Variants in SIGLEC5 observed in about 807,000 individuals in gnomAD.
The protein encoded by SIGLEC5 is sialic acid-binding Ig-like lectin 5.
Under a neutral mutation model 45.9 loss-of-function variants are expected in SIGLEC5, and 34 were observed. The observed-to-expected ratio is 0.74, with a 90% CI of 0.56 to 0.99. The LOEUF (loss-of-function observed/expected upper bound fraction) is 0.99. Ranked by LOEUF, SIGLEC5 falls within the 50% of genes least tolerant of loss-of-function variation. The pLI is 0.00. For synonymous variants in SIGLEC5, 203 were observed against 258.6 expected, an observed-to-expected ratio of 0.79 and a Z score of 2.06; for missense variants, 508 against 629.6, an observed-to-expected ratio of 0.81 and a Z score of 2.07.
chr19:51,616,929 A>C (rs1046217748), intron 8 of SIGLEC5, among the ~76,000 whole-genome samples: 2 of 148,230 alleles, frequency 1.3e-5, no homozygotes, highest in Admixed American at 6.7e-5. Context: ...CAAAAAAAAA[A>C]AACACTTGAA....
Position 51,612,425 on chromosome 19 carries a change from G to A in SIGLEC5, c.1465-3C>T, listed in dbSNP as rs777144917. 6.2e-7 allele frequency: 1 copy of A among 1,600,462 alleles called. No individual in the cohort carries two copies. Among genetic ancestry groups the A allele is most frequent in the South Asian group, 1.1e-5 (1 of 89,154 alleles). On this transcript the variant is annotated splice_region_variant and splice_polypyrimidine_tract_variant and intron_variant, in intron 8 of 8. Transcript: ENST00000683636. Reference sequence around the variant, plus strand: ...GGCCAGGGCTTCTTCCTGGAACCCTGAGTAAAGGGGAAGGAAAGGTGTCAC... The same window carrying A: ...GGCCAGGGCTTCTTCCTGGAACCCTAAGTAAAGGGGAAGGAAAGGTGTCAC...
intron 8 of SIGLEC5, among the ~76,000 whole-genome samples, chr19:51,614,226 C>T (rs1347786255): frequency 6.6e-6 from 1 of 152,202 alleles, no homozygotes; most frequent in Non-Finnish European, 1.5e-5. Context: ...CTCACTGCAA[C>T]CTCCCGTCCC....
At chr19:51,625,552 G>A (rs568464198) in intron 8 of SIGLEC5, among the ~76,000 whole-genome samples, 52 of 152,286 alleles carry the variant, frequency 3.4e-4, no homozygotes, top group Non-Finnish European at 6.5e-4. Flanking sequence ...GTTGGTGGCC[G>A]GGCGCGGTGG....
chr19:51,616,065 C>T (rs770406626), intron 8 of SIGLEC5, among the ~76,000 whole-genome samples: 8 of 152,180 alleles, frequency 5.3e-5, no homozygotes, highest in Non-Finnish European at 8.8e-5. Flanking sequence ...CGTGAGCCAC[C>T]GTGCCCGGCG....
At chr19:51,625,791 T>C (rs887027867) in intron 8 of SIGLEC5, among the ~76,000 whole-genome samples, 6 of 152,050 alleles carry the variant, frequency 3.9e-5, no homozygotes, top group African/African-American at 9.7e-5. Context: ...GATCGCACCA[T>C]TGCACTCCAG....
chr19:51,612,841 C>G (rs1458918924), intron 8 of SIGLEC5, among the ~76,000 whole-genome samples: 1 of 152,188 alleles, frequency 6.6e-6, no homozygotes, highest in African/African-American at 2.4e-5. Flanking sequence ...AGATTATGCC[C>G]TGGACTCTAA....
At chr19:51,620,371 G>A (rs1480398422) in intron 8 of SIGLEC5, among the ~76,000 whole-genome samples, 1 of 152,108 alleles carries the variant, frequency 6.6e-6, no homozygotes, top group Non-Finnish European at 1.5e-5. Flanking sequence ...CAAAAGTGCT[G>A]AGCAAAAGAT....
chr19:51,628,764 G>A (rs1182193419), intron 4 of SIGLEC5, among the ~76,000 whole-genome samples: 2 of 138,160 alleles, frequency 1.4e-5, no homozygotes, highest in Non-Finnish European at 3.3e-5. Flanking sequence ...GTGTGTGTAT[G>A]TGCGTGTGTG....
At chr19:51,628,575 CTGTGTGCGTGTG>C (rs1010181481) in intron 4 of SIGLEC5, among the ~76,000 whole-genome samples, 1 of 151,860 alleles carries the variant, frequency 6.6e-6, no homozygotes, top group Non-Finnish European at 1.5e-5. Flanking sequence ...GAGTGTGCAC[CTGTGTGCGTGTG>C]TGTGTGCGTG....
At chr19:51,625,511 AG>A (rs1983442625) in intron 8 of SIGLEC5, among the ~76,000 whole-genome samples, 1 of 152,174 alleles carries the variant, frequency 6.6e-6, no homozygotes, top group South Asian at 2.1e-4. Flanking sequence ...AGATGAGCAA[AG>A]GACAAGTTAG....
intron 8 of SIGLEC5, among the ~76,000 whole-genome samples, chr19:51,620,803 T>C (rs1382914820): frequency 6.6e-6 from 1 of 152,222 alleles, no homozygotes; most frequent in Non-Finnish European, 1.5e-5. Context: ...TATAATCATC[T>C]AATTTGAAAT....
intron 8 of SIGLEC5, among the ~76,000 whole-genome samples, chr19:51,625,513 G>A (rs1983442726): frequency 6.6e-6 from 1 of 152,164 alleles, no homozygotes; most frequent in South Asian, 2.1e-4. Context: ...ATGAGCAAAG[G>A]ACAAGTTAGT....
intron 8 of SIGLEC5, among the ~76,000 whole-genome samples, chr19:51,612,858 C>G (rs933412123): frequency 6.6e-6 from 1 of 151,296 alleles, no homozygotes; most frequent in African/African-American, 2.4e-5. Context: ...CTAATTAAGG[C>G]TTTGGCTCAT....
chr19:51,628,731 T>C (rs1203047707), intron 4 of SIGLEC5, among the ~76,000 whole-genome samples: 3 of 150,146 alleles, frequency 2.0e-5, no homozygotes, highest in Non-Finnish European at 4.4e-5. Context: ...GTGGTGTGTG[T>C]GCATGTGTGC....
In SIGLEC5 at chr19:51,627,889, G is replaced by T; in HGVS notation, c.942C>A (p.Cys314Ter). 2.5e-6 allele frequency: 4 copies of T among 1,613,492 alleles called. No homozygotes were observed. Among genetic ancestry groups the T allele is most frequent in the Non-Finnish European group, 3.4e-6 (4 of 1,179,740 alleles). Residue 314 changes from cysteine (C) to a stop codon, truncating the protein, a stop_gained, in exon 5 of 9, where the codon TGC (cysteine) becomes TGA (stop). Transcript: ENST00000683636. LOFTEE classifies it high-confidence loss of function. ...VRSAEEGGFT[C>*]RAQHPLGFLQ... Reference sequence around the variant, plus strand: ...GGAAGCCCAGCGGGTGCTGAGCGCGGCAGGTGAAGCCTCCTTCTTCTGCAG... The same window carrying T: ...GGAAGCCCAGCGGGTGCTGAGCGCGTCAGGTGAAGCCTCCTTCTTCTGCAG...
chr19:51,627,372 A>G, intron 6 of SIGLEC5, 90 bp downstream of exon 6: 1 of 1,542,456 alleles, frequency 6.5e-7, no homozygotes, highest in Non-Finnish European at 8.8e-7. Flanking sequence ...TCTCCCCACC[A>G]CCAGTCCAGC....
chr19:51,615,126 A>G (rs1035845599), intron 8 of SIGLEC5, among the ~76,000 whole-genome samples: 1 of 152,226 alleles, frequency 6.6e-6, no homozygotes, highest in Non-Finnish European at 1.5e-5. Flanking sequence ...TAAAGGTAAA[A>G]TAAAGGAGAA....
intron 8 of SIGLEC5, among the ~76,000 whole-genome samples, chr19:51,619,121 C>G (rs549230022): frequency 6.6e-6 from 1 of 152,308 alleles, no homozygotes; most frequent in East Asian, 1.9e-4. Context: ...GTTGCCCAGG[C>G]TGGAGTGCAG....
At chr19:51,614,858 A>G (rs916587740) in intron 8 of SIGLEC5, among the ~76,000 whole-genome samples, 3 of 152,236 alleles carry the variant, frequency 2.0e-5, no homozygotes, top group African/African-American at 7.2e-5. Context: ...ATACTGGGTA[A>G]CAGTTATAAG....
Sources: allele counts gnomAD v4.1 joint callset (sites outside exome capture counted in the v4.1 genomes callset), GRCh38; gene constraint gnomAD v4.1.1; transcripts MANE v1.5; gene names NCBI Gene and HGNC (gene_info 2026-07-23, HGNC 2026-07-21).